The following RBFOX1 variants were observed in gnomAD, a reference collection of about 807,000 sequenced individuals.
RBFOX1 encodes RNA binding fox-1 homolog 1.
Under a neutral mutation model 57.7 loss-of-function variants are expected in RBFOX1, and 8 were observed. The observed-to-expected ratio is 0.14, with a 90% CI of 0.08 to 0.25. The LOEUF (loss-of-function observed/expected upper bound fraction) is 0.25. Among genes scored for constraint, RBFOX1 ranks in the 10% least tolerant of loss-of-function variants. The pLI is 1.00. For missense variants in RBFOX1, 611 were observed against 548.5 expected, an observed-to-expected ratio of 1.11 and a Z score of -1.14; for synonymous variants, 326 against 222.4, an observed-to-expected ratio of 1.47 and a Z score of -4.15.
intron 3 of RBFOX1, among the ~76,000 whole-genome samples, chr16:6,956,241 T>A (rs561758542): frequency 2.6e-5 from 4 of 152,200 alleles, no homozygotes; most frequent in South Asian, 2.1e-4. Context: ...GAGAAGGACT[T>A]TGCTTTGAAG....
At chr16:5,347,167 A>G (rs1055265809) in intron 1 of RBFOX1, among the ~76,000 whole-genome samples, 1 of 152,048 alleles carries the variant, frequency 6.6e-6, no homozygotes, top group Admixed American at 6.5e-5. Context: ...ATGTTTCTTC[A>G]TAATATTTCT....
chr16:5,616,439 T>C (rs2048026548), intron 3 of RBFOX1, among the ~76,000 whole-genome samples: 1 of 152,160 alleles, frequency 6.6e-6, no homozygotes, highest in South Asian at 2.1e-4. Flanking sequence ...ATCTGGCTTG[T>C]TAGAGCAGGA....
intron 2 of RBFOX1, among the ~76,000 whole-genome samples, chr16:6,359,409 G>A (rs1052992786): frequency 6.6e-6 from 1 of 152,068 alleles, no homozygotes; most frequent in African/African-American, 2.4e-5. Context: ...GGGTCTTTTT[G>A]ACTGTTGGTG....
intron 4 of RBFOX1, among the ~76,000 whole-genome samples, chr16:7,286,523 C>T (rs1227445482): frequency 6.8e-6 from 1 of 148,076 alleles, no homozygotes; most frequent in Non-Finnish European, 1.5e-5. Flanking sequence ...CATCTCAGCT[C>T]ACTGCAGCCT....
intron 2 of RBFOX1, among the ~76,000 whole-genome samples, chr16:6,423,971 G>T (rs1238093154): frequency 6.6e-6 from 1 of 152,156 alleles, no homozygotes; most frequent in Non-Finnish European, 1.5e-5. Context: ...CAGGCGTGGT[G>T]GCTCACGCCT....
intron 3 of RBFOX1, among the ~76,000 whole-genome samples, chr16:6,853,785 T>A (rs1400326518): frequency 6.6e-6 from 1 of 152,148 alleles, no homozygotes; most frequent in African/African-American, 2.4e-5. Flanking sequence ...TGACCTCACT[T>A]GAAGAAACCA....
chr16:7,449,384 G>T (rs2098833531), intron 4 of RBFOX1, among the ~76,000 whole-genome samples: 1 of 152,190 alleles, frequency 6.6e-6, no homozygotes, highest in Non-Finnish European at 1.5e-5. Flanking sequence ...GAGAATGGCA[G>T]TGAAAATAGA....
chr16:6,512,852 C>T (rs979954515), intron 2 of RBFOX1, among the ~76,000 whole-genome samples: 1 of 152,146 alleles, frequency 6.6e-6, no homozygotes, highest in African/African-American at 2.4e-5. Flanking sequence ...AATGCTGGCC[C>T]ATGAAGGGGA....
chr16:7,205,872 C>T (rs371940682), intron 4 of RBFOX1, among the ~76,000 whole-genome samples: 58 of 152,328 alleles, frequency 3.8e-4, no homozygotes, highest in South Asian at 2.3e-3. Flanking sequence ...CTCTGCTTAA[C>T]GCATCCAAAG....
intron 3 of RBFOX1, among the ~76,000 whole-genome samples, chr16:6,679,398 G>A (rs2058267924): frequency 6.6e-6 from 1 of 152,120 alleles, no homozygotes; most frequent in Non-Finnish European, 1.5e-5. Context: ...ATGGAAAGGG[G>A]AGACTTCTCC....
intron 2 of RBFOX1, among the ~76,000 whole-genome samples, chr16:6,630,538 C>G (rs776980422): frequency 1.4e-4 from 22 of 152,232 alleles, no homozygotes; most frequent in South Asian, 1.0e-3. Context: ...GAGGTAAGCA[C>G]TATTCATAAG....
intron 2 of RBFOX1, among the ~76,000 whole-genome samples, chr16:5,482,663 T>C (rs903148208): frequency 6.6e-6 from 1 of 152,216 alleles, no homozygotes; most frequent in Admixed American, 6.5e-5. Flanking sequence ...TAAGGATGCC[T>C]GCTAGGGGCA....
intron 4 of RBFOX1, among the ~76,000 whole-genome samples, chr16:7,233,141 C>G (rs1353830723): frequency 6.6e-6 from 1 of 152,012 alleles, no homozygotes; most frequent in Non-Finnish European, 1.5e-5. Flanking sequence ...CCCCACTGTA[C>G]TTAGAGTTAA....
intron 1 of RBFOX1, among the ~76,000 whole-genome samples, chr16:6,280,728 T>C (rs1247774179): frequency 6.6e-6 from 1 of 152,040 alleles, no homozygotes; most frequent in Admixed American, 6.6e-5. Context: ...ACATCACGGT[T>C]TATGTGTTTA....
At chr16:5,716,934 C>G (rs1295667591) in intron 3 of RBFOX1, among the ~76,000 whole-genome samples, 1 of 152,162 alleles carries the variant, frequency 6.6e-6, no homozygotes, top group Non-Finnish European at 1.5e-5. Context: ...CCTGGATTTG[C>G]TGACTTCTGA....
At chr16:6,144,984 A>C (rs952147990) in intron 1 of RBFOX1, among the ~76,000 whole-genome samples, 1 of 152,176 alleles carries the variant, frequency 6.6e-6, no homozygotes, top group Non-Finnish European at 1.5e-5. Flanking sequence ...TCATGGCTAC[A>C]AGCCAGTGAG....
At chr16:5,677,237 G>A (rs1253856330) in intron 3 of RBFOX1, among the ~76,000 whole-genome samples, 1 of 152,208 alleles carries the variant, frequency 6.6e-6, no homozygotes, top group South Asian at 2.1e-4. Context: ...AGGCTGTTGA[G>A]TATCACTAGA....
At chr16:5,962,930 C>G (rs1334649851) in intron 4 of RBFOX1, among the ~76,000 whole-genome samples, 1 of 150,896 alleles carries the variant, frequency 6.6e-6, no homozygotes, top group African/African-American at 2.4e-5. Flanking sequence ...GACAGAGATC[C>G]AAGTTCAATA....
intron 4 of RBFOX1, among the ~76,000 whole-genome samples, chr16:7,396,219 C>T (rs939111135): frequency 6.6e-6 from 1 of 152,116 alleles, no homozygotes; most frequent in African/African-American, 2.4e-5. Flanking sequence ...TCTCCAAGAG[C>T]AAGGCTGTGG....
Sources: gnomAD v4.1 joint callset for allele counts (sites outside exome capture counted in the v4.1 genomes callset) on GRCh38, gnomAD v4.1.1 for gene constraint, MANE v1.5 for transcripts, NCBI Gene and HGNC (gene_info 2026-07-23, HGNC 2026-07-21) for gene names.